The following CNTNAP2 variants were observed in gnomAD, a reference collection of about 807,000 sequenced individuals.
CNTNAP2 encodes the protein contactin associated protein 2.
In CNTNAP2, 98 loss-of-function variants were observed where a neutral mutation model predicts 155.2. That is an observed-to-expected ratio of 0.63 (90% confidence interval 0.54 to 0.75). The LOEUF (loss-of-function observed/expected upper bound fraction) is 0.75, where lower values mean the gene tolerates loss of function less well. Ranked by LOEUF, CNTNAP2 falls within the 30% of genes least tolerant of loss-of-function variation. CNTNAP2 has a pLI of 0.00. For synonymous variants in CNTNAP2, 651 were observed against 631.2 expected (o/e 1.03, Z -0.47); for missense variants, 1,727 against 1,688.1 (o/e 1.02, Z -0.40).
chr7:146,906,772 C>T (rs981888277), intron 3 of CNTNAP2, among the ~76,000 whole-genome samples: 1 of 152,114 alleles, frequency 6.6e-6, no homozygotes, highest in African/African-American at 2.4e-5. Flanking sequence ...AACGCAGCTC[C>T]TCACCAGCAA....
At chr7:147,320,918 A>T (rs1404705) in intron 9 of CNTNAP2, among the ~76,000 whole-genome samples, 74,710 of 151,984 alleles carry the variant, frequency 0.49, 19,531 homozygotes, top group East Asian at 0.73. Flanking sequence ...AGGACTGCTG[A>T]AGTCATTGAA....
intron 21 of CNTNAP2, among the ~76,000 whole-genome samples, chr7:148,352,128 G>A (rs76294551): frequency 0.023 from 3,499 of 152,300 alleles, 46 homozygotes; most frequent in African/African-American, 0.044. Flanking sequence ...AGGATATTGC[G>A]TTTTATTCCA....
intron 9 of CNTNAP2, among the ~76,000 whole-genome samples, chr7:147,301,590 CTCTGTGTGTGTGTGTGTGTGTGTGTGTG>C (rs1356312522): frequency 9.0e-6 from 1 of 111,634 alleles, no homozygotes; most frequent in Admixed American, 9.2e-5. Flanking sequence ...CTCTCTCTCT[CTCTGTGTGTGTGTGTGTGTGTGTGTGTG>C]TGTGTGTGTG....
chr7:147,499,083 C>T (rs573184622), intron 11 of CNTNAP2, among the ~76,000 whole-genome samples: 2 of 152,236 alleles, frequency 1.3e-5, no homozygotes, highest in South Asian at 4.1e-4. Context: ...GTGGAAAAAT[C>T]ATATTTGAAT....
chr7:146,558,670 T>C (rs73164087), intron 1 of CNTNAP2, among the ~76,000 whole-genome samples: 1,849 of 152,286 alleles, frequency 0.012, 71 homozygotes, highest in East Asian at 0.12. Context: ...AGCACCGTAT[T>C]GTTAACTCAA....
At chr7:146,554,362 T>C (rs1404261370) in intron 1 of CNTNAP2, among the ~76,000 whole-genome samples, 1 of 152,202 alleles carries the variant, frequency 6.6e-6, no homozygotes, top group African/African-American at 2.4e-5. Context: ...AAATAAGTTG[T>C]CTTAAAAATA....
intron 4 of CNTNAP2, among the ~76,000 whole-genome samples, chr7:147,047,310 A>G (rs1356732224): frequency 7.1e-6 from 1 of 140,778 alleles, no homozygotes; most frequent in East Asian, 2.2e-4. Context: ...TTTACTAGAG[A>G]TGGGGTTTCA....
intron 13 of CNTNAP2, among the ~76,000 whole-genome samples, chr7:147,700,105 C>A (rs1796213916): frequency 6.6e-6 from 1 of 152,104 alleles, no homozygotes; most frequent in African/African-American, 2.4e-5. Context: ...TGGTAATGAC[C>A]AGAATCATAC....
rs538840900 is a variant in CNTNAP2 at position 147,034,151 on chromosome 7, C to T, written c.403-9756C>T. 7.9e-5 allele frequency among the ~76,000 whole-genome samples: 12 copies of T among 152,272 alleles called. No homozygotes were observed. The South Asian group carries it at 1.2e-3, about 16-fold the overall frequency. On this transcript the variant is annotated intron_variant, in intron 3 of 23. Transcript: ENST00000361727. ...TTTTTATACCATGTAAGGTAATTTCCGGGCATTGCCATGCCATCTGTAAAC... is the reference window on the plus strand; with the variant it reads ...TTTTTATACCATGTAAGGTAATTTCTGGGCATTGCCATGCCATCTGTAAAC...
chr7:147,807,517 A>G (rs1244822260), intron 13 of CNTNAP2, among the ~76,000 whole-genome samples: 1 of 152,140 alleles, frequency 6.6e-6, no homozygotes, highest in Non-Finnish European at 1.5e-5. Context: ...AAAAAATTAA[A>G]GCTAAATTTT....
chr7:148,227,887 G>A (rs1249575208), intron 19 of CNTNAP2, among the ~76,000 whole-genome samples: 1 of 20,056 alleles, frequency 5.0e-5, no homozygotes, highest in East Asian at 9.0e-4. Flanking sequence ...AGCACAGCGT[G>A]TGTGTGTGTG....
chr7:147,591,368 T>A (rs2116844197), intron 12 of CNTNAP2, among the ~76,000 whole-genome samples: 1 of 152,292 alleles, frequency 6.6e-6, no homozygotes, highest in South Asian at 2.1e-4. Context: ...TTTCCTCATT[T>A]CCTCTTCTTG....
At chr7:147,451,684 C>A (rs1797836304) in intron 10 of CNTNAP2, among the ~76,000 whole-genome samples, 1 of 151,600 alleles carries the variant, frequency 6.6e-6, no homozygotes, top group African/African-American at 2.4e-5. Context: ...CCCCACCCAA[C>A]TCCCAGTCCC....
chr7:146,397,317 T>C lies in CNTNAP2; in HGVS notation c.97+280344T>C, dbSNP rs192588711. On this transcript the variant is annotated intron_variant, in intron 1 of 23. Coordinates refer to ENST00000361727, the MANE Select transcript of CNTNAP2 (RefSeq NM_014141.6). ...TTTCCCGGAGACCACATTTACCACA[T>C]TTGCTCATGACAGCAATGATCCTTG... Among the ~76,000 whole-genome samples, 523 of 152,330 alleles carry C rather than the reference T, an allele frequency of 3.4e-3. 3 individuals are homozygous for C. The highest frequency in any genetic ancestry group is 0.014 in the Middle Eastern group (4 of 294).
At chr7:147,758,505 G>T (rs1264756839) in intron 13 of CNTNAP2, among the ~76,000 whole-genome samples, 1 of 152,136 alleles carries the variant, frequency 6.6e-6, no homozygotes, top group Non-Finnish European at 1.5e-5. Flanking sequence ...GGTAGGGAGA[G>T]GTGACGTAGT....
In CNTNAP2 at chr7:147,132,382, T is replaced by A. The variant is rs777201584; in HGVS notation, c.1221T>A (p.Asn407Lys). ...TCCAGTTTAGGACATGGAACCCCAA[T>A]GGTCTCCTGGTCTTCAGTCACTTTG... is the stretch of plus-strand genomic sequence containing the variant. ...VSFQFRTWNP[N>K]GLLVFSHFAD... The change falls in exon 8 of 24, where the codon AAT becomes AAA. Residue 407 changes from asparagine to lysine, a missense_variant. Coordinates refer to ENST00000361727, the MANE Select transcript of CNTNAP2 (RefSeq NM_014141.6). The A allele has an allele frequency of 6.2e-7, 1 of 1,613,688 alleles. No homozygotes were observed. The highest frequency in any genetic ancestry group is 8.5e-7 in the Non-Finnish European group (1 of 1,179,796).
At chr7:146,294,949 CT>C (rs768970556) in intron 1 of CNTNAP2, among the ~76,000 whole-genome samples, 10 of 152,120 alleles carry the variant, frequency 6.6e-5, no homozygotes, top group Non-Finnish European at 1.3e-4. Context: ...TTATTTACTA[CT>C]TTTAGCCATT....
At chr7:148,221,151 C>G (rs1795742389) in intron 19 of CNTNAP2, among the ~76,000 whole-genome samples, 1 of 152,192 alleles carries the variant, frequency 6.6e-6, no homozygotes, top group African/African-American at 2.4e-5. Context: ...TGAGGACTTT[C>G]ATTGTCTTCA....
At chr7:147,322,511 A>T (rs564701447) in intron 9 of CNTNAP2, among the ~76,000 whole-genome samples, 1 of 152,130 alleles carries the variant, frequency 6.6e-6, no homozygotes, top group Non-Finnish European at 1.5e-5. Flanking sequence ...ATCAGTGTTC[A>T]TCAAGGATAT....
Sources: allele counts gnomAD v4.1 joint callset (sites outside exome capture counted in the v4.1 genomes callset), GRCh38; gene constraint gnomAD v4.1.1; transcripts MANE v1.5; gene names NCBI Gene and HGNC (gene_info 2026-07-23, HGNC 2026-07-21).